The following CNTNAP3B variants were observed in gnomAD, a reference collection of about 807,000 sequenced individuals.
CNTNAP3B encodes contactin associated protein family member 3B.
CNTNAP3B carries 25 observed loss-of-function variants against 108.9 expected under a neutral mutation model. That is an observed-to-expected ratio of 0.23 (90% confidence interval 0.17 to 0.32). The LOEUF (loss-of-function observed/expected upper bound fraction) is 0.32, where lower values mean the gene tolerates loss of function less well. Ranked by LOEUF, CNTNAP3B falls within the 10% of genes least tolerant of loss-of-function variation. The pLI is 1.00. For missense variants in CNTNAP3B, 252 were observed against 1,210.4 expected (o/e 0.21, Z 11.75); for synonymous variants, 103 against 473.4 (o/e 0.22, Z 10.16).
intron 14 of CNTNAP3B, among the ~76,000 whole-genome samples, chr9:41,932,601 C>A (rs1225505404): frequency 6.6e-6 from 1 of 152,160 alleles, no homozygotes; most frequent in Admixed American, 6.5e-5. Flanking sequence ...CTCACTGCAA[C>A]CTCCACCCCC....
chr9:41,939,415 T>C (rs1471472193), intron 13 of CNTNAP3B, among the ~76,000 whole-genome samples: 1 of 152,308 alleles, frequency 6.6e-6, no homozygotes, highest in Non-Finnish European at 1.5e-5. Context: ...TTACTGCTTA[T>C]TACAACTCAA....
At chr9:41,992,590 C>T in intron 7 of CNTNAP3B, among the ~76,000 whole-genome samples, 1 of 150,900 alleles carries the variant, frequency 6.6e-6, no homozygotes, top group Non-Finnish European at 1.5e-5. Flanking sequence ...CATAGATTTT[C>T]TTTAAGATTG....
intron 13 of CNTNAP3B, among the ~76,000 whole-genome samples, chr9:41,941,860 G>T (rs1824355439): frequency 6.6e-6 from 1 of 151,750 alleles, no homozygotes; most frequent in South Asian, 2.1e-4. Context: ...ACCTTCAAGA[G>T]TTTTATCTCC....
chr9:42,030,410 G>A (rs1327718493), intron 3 of CNTNAP3B, among the ~76,000 whole-genome samples: 3 of 31,346 alleles, frequency 9.6e-5, no homozygotes, highest in African/African-American at 1.7e-4. Flanking sequence ...GAGGATGGGG[G>A]CAGCTTTGTA....
intron 3 of CNTNAP3B, among the ~76,000 whole-genome samples, chr9:42,066,422 T>TC (rs1491360845): frequency 3.8e-5 from 2 of 52,360 alleles, no homozygotes; most frequent in Non-Finnish European, 8.6e-5. Flanking sequence ...AGCTGTTGAA[T>TC]CTTTTTTTTT....
intron 12 of CNTNAP3B, among the ~76,000 whole-genome samples, chr9:41,956,122 C>A (rs1824849968): frequency 6.6e-6 from 1 of 152,240 alleles, no homozygotes; most frequent in African/African-American, 2.4e-5. Flanking sequence ...CGTGGTGGCT[C>A]ACGCCTGTAA....
intron 3 of CNTNAP3B, among the ~76,000 whole-genome samples, chr9:42,055,586 TAACGTA>T (rs1180100388): frequency 8.7e-6 from 1 of 115,538 alleles, no homozygotes; most frequent in East Asian, 2.7e-4. Context: ...CATTGCTGCT[TAACGTA>T]AACTATACAT....
chr9:42,097,429 T>C (rs1827925745), intron 2 of CNTNAP3B, among the ~76,000 whole-genome samples: 1 of 140,190 alleles, frequency 7.1e-6, no homozygotes, highest in Admixed American at 7.1e-5. Context: ...TGGTCACTAG[T>C]AATGTTTTCT....
At chr9:41,969,705 C>A (rs1386852540) in intron 10 of CNTNAP3B, among the ~76,000 whole-genome samples, 1 of 150,842 alleles carries the variant, frequency 6.6e-6, no homozygotes, top group Admixed American at 6.6e-5. Context: ...GCAAGCTCCA[C>A]CTCCCGGGTT....
intron 14 of CNTNAP3B, among the ~76,000 whole-genome samples, chr9:41,933,900 T>C: frequency 6.6e-6 from 1 of 152,202 alleles, no homozygotes; most frequent in East Asian, 1.9e-4. Context: ...TTACAAAATT[T>C]TTTATACTTA....
At chr9:41,917,939 G>C (rs1302721563) in intron 18 of CNTNAP3B, among the ~76,000 whole-genome samples, 1 of 152,298 alleles carries the variant, frequency 6.6e-6, no homozygotes, top group Non-Finnish European at 1.5e-5. Context: ...AGAGGGTCTT[G>C]GCTTAAATGC....
chr9:41,935,030 G>A (rs1402799241), intron 14 of CNTNAP3B, among the ~76,000 whole-genome samples: 1 of 152,002 alleles, frequency 6.6e-6, no homozygotes, highest in Non-Finnish European at 1.5e-5. Context: ...TGAATTATAT[G>A]TTATATGTAT....
chr9:41,939,336 C>T (rs1015858878), intron 13 of CNTNAP3B, among the ~76,000 whole-genome samples: 7 of 152,298 alleles, frequency 4.6e-5, no homozygotes, highest in South Asian at 2.1e-4. Context: ...TCATGTGGTG[C>T]TGTTTTTCAA....
Position 41,964,569 on chromosome 9 carries a change from GC to G in CNTNAP3B, c.1724del (p.Gly575AlafsTer50). On this transcript the variant is annotated frameshift_variant, in exon 11 of 24. Transcript: ENST00000377561. LOFTEE classifies it high-confidence loss of function. ...SWDTFSCDCL[G>X]TGYTGETCHS... ...GGCAGGTCTCGCCCGTATAGCCTGT[GC>G]CTAGACAGTCACAGGAGAAGGTGTC... is the stretch of plus-strand genomic sequence containing the variant. 1.9e-6 allele frequency: 3 copies of G among 1,551,366 alleles called. No individual in the cohort carries two copies. Among genetic ancestry groups the G allele is most frequent in the Non-Finnish European group, 2.6e-6 (3 of 1,148,236 alleles).
At chr9:41,941,968 C>T (rs965348468) in intron 13 of CNTNAP3B, among the ~76,000 whole-genome samples, 1 of 152,274 alleles carries the variant, frequency 6.6e-6, no homozygotes, top group Non-Finnish European at 1.5e-5. Flanking sequence ...TTGAAATAAG[C>T]GCTGAACATT....
At chr9:41,925,075 C>T (rs1467134167) in intron 15 of CNTNAP3B, among the ~76,000 whole-genome samples, 1 of 152,006 alleles carries the variant, frequency 6.6e-6, no homozygotes, top group East Asian at 1.9e-4. Context: ...TGGCATTTGT[C>T]CAGTTTCTCC....
At chr9:41,944,304 A>G (rs1258610180) in intron 13 of CNTNAP3B, among the ~76,000 whole-genome samples, 2 of 147,820 alleles carry the variant, frequency 1.4e-5, no homozygotes, top group Non-Finnish European at 3.0e-5. Context: ...CTTCTTCTTA[A>G]TTGATGTAAT....
At chr9:41,916,083 G>T (rs1823510077) in intron 18 of CNTNAP3B, among the ~76,000 whole-genome samples, 1 of 148,060 alleles carries the variant, frequency 6.8e-6, no homozygotes, top group African/African-American at 2.5e-5. Context: ...TAAAAAATCT[G>T]AGAAAAGAAA....
chr9:41,930,133 TAAATGCA>T (rs1190493412), intron 14 of CNTNAP3B, among the ~76,000 whole-genome samples: 3 of 152,302 alleles, frequency 2.0e-5, no homozygotes, highest in Non-Finnish European at 2.9e-5. Context: ...GTTAACTTTG[TAAATGCA>T]AAATGAGTCC....
Sources: gnomAD v4.1 joint callset for allele counts (sites outside exome capture counted in the v4.1 genomes callset) on GRCh38, gnomAD v4.1.1 for gene constraint, MANE v1.5 for transcripts, NCBI Gene and HGNC (gene_info 2026-07-23, HGNC 2026-07-21) for gene names.